The following VWDE variants were observed in gnomAD, a reference collection of about 807,000 sequenced individuals.
The protein encoded by VWDE is von Willebrand factor D and EGF domains.
In VWDE, 207 loss-of-function variants were observed where a neutral mutation model predicts 178.4. The observed-to-expected ratio is 1.16, with a 90% CI of 1.04 to 1.30. The LOEUF is 1.30. VWDE is among the 50% of genes most tolerant of loss of function. The pLI, the probability that VWDE is intolerant of heterozygous loss-of-function variation, is 0.00. For missense variants in VWDE, 2,287 were observed against 1,901.3 expected (o/e 1.20, Z -3.77); for synonymous variants, 738 against 651.4 (o/e 1.13, Z -2.02).
intron 2 of VWDE, among the ~76,000 whole-genome samples, chr7:12,393,004 G>C (rs1240196494): frequency 6.6e-6 from 1 of 152,116 alleles, no homozygotes; most frequent in Non-Finnish European, 1.5e-5. Flanking sequence ...CCAGAGTATT[G>C]AATGTCCTGC....
chr7:12,367,004 A>G (rs1782894541), intron 13 of VWDE, among the ~76,000 whole-genome samples: 1 of 152,192 alleles, frequency 6.6e-6, no homozygotes, highest in South Asian at 2.1e-4. Flanking sequence ...TAAAAGGGAA[A>G]TGTTCATATC....
At chr7:12,378,914 C>T (rs142559748) in intron 6 of VWDE, among the ~76,000 whole-genome samples, 9 of 152,230 alleles carry the variant, frequency 5.9e-5, no homozygotes, top group African/African-American at 1.4e-4. Flanking sequence ...CCAGGTTCAC[C>T]GTGCTTGCCT....
At position 12,359,681 on chromosome 7, in the gene VWDE, GCAAA is replaced by G. The variant is rs1782463888; in HGVS notation, c.3167_3170del (p.Val1056AlafsTer20). On this transcript the variant is annotated frameshift_variant, in exon 16 of 29. Coordinates refer to ENST00000275358, the MANE Select transcript of VWDE (RefSeq NM_001135924.3). LOFTEE classifies it high-confidence loss of function. ...CAACATAGCAGAGTCCATCAATAAT[GCAAA>G]CATTTTCCTAATGGAAAATTTTTAA... 4 of 1,540,142 alleles carry G rather than the reference GCAAA, an allele frequency of 2.6e-6. No homozygotes were observed. The African/African-American group carries it at 5.5e-5, about 21-fold the overall frequency.
chr7:12,394,837 A>T (rs1784551543), intron 1 of VWDE, among the ~76,000 whole-genome samples: 2 of 152,144 alleles, frequency 1.3e-5, no homozygotes, highest in Admixed American at 6.6e-5. Flanking sequence ...CTAACTAAAA[A>T]ATTATCAAAT....
In VWDE at chr7:12,380,741, G is replaced by T; in HGVS notation, c.542-8C>A. ...ATGAGGCAGCCAGCTGACCTGGGGA[G>T]AAAATGCATAATTTGTAACTGGGAA... On this transcript the variant is annotated splice_polypyrimidine_tract_variant and splice_region_variant and intron_variant, in intron 4 of 28. Coordinates refer to ENST00000275358, the MANE Select transcript of VWDE (RefSeq NM_001135924.3). 2 of 1,550,608 alleles carry T rather than the reference G, an allele frequency of 1.3e-6. No individual in the cohort carries two copies. Among genetic ancestry groups the T allele is most frequent in the Non-Finnish European group, 1.7e-6 (2 of 1,146,440 alleles).
At position 12,337,092 on chromosome 7, in the gene VWDE, A is replaced by G; in HGVS notation, c.4463-9T>C. The stretch of plus-strand genomic sequence containing the variant: ...CGTAGGATCACAGATGCCTTAAGGT[A>G]AAAGCATGAAAAGTCAGCCCTTAAA... On this transcript the variant is annotated splice_polypyrimidine_tract_variant and intron_variant, in intron 25 of 28. Coordinates refer to ENST00000275358, the MANE Select transcript of VWDE (RefSeq NM_001135924.3). 1.9e-6 allele frequency: 3 copies of G among 1,551,542 alleles called. No individual in the cohort carries two copies. Among genetic ancestry groups the G allele is most frequent in the Non-Finnish European group, 2.6e-6 (3 of 1,146,840 alleles).
intron 24 of VWDE, among the ~76,000 whole-genome samples, chr7:12,338,573 T>G (rs1009347887): frequency 6.6e-6 from 1 of 152,076 alleles, no homozygotes; most frequent in Non-Finnish European, 1.5e-5. Context: ...GCATACATAC[T>G]TAAAATAATA....
At position 12,336,211 on chromosome 7, in the gene VWDE, G is replaced by A. The variant is rs753994694; in HGVS notation, c.4584C>T (p.Asn1528=). The A allele has an allele frequency of 2.6e-5, 40 of 1,550,920 alleles. No individual in the cohort carries two copies. Among genetic ancestry groups the A allele is most frequent in the South Asian group, 8.3e-5 (7 of 83,942 alleles). ...TGCTGGGCGCAATGCATTCACCACC[G>A]TTTTTACATTTCTGCAAGCAGATAG... ...NTPICLQKCK[N]GGECIAPSIC... Residue 1528 remains asparagine (N), a synonymous_variant, in exon 27 of 29, where the codon AAC becomes AAT. Coordinates refer to ENST00000275358, the MANE Select transcript of VWDE (RefSeq NM_001135924.3).
At chr7:12,401,570 T>C (rs1784894642) in intron 1 of VWDE, among the ~76,000 whole-genome samples, 1 of 152,096 alleles carries the variant, frequency 6.6e-6, no homozygotes, top group South Asian at 2.1e-4. Context: ...ATTAGGAAAA[T>C]GACAATCAAA....
chr7:12,347,406 C>A (rs1263286233), intron 19 of VWDE, among the ~76,000 whole-genome samples: 1 of 152,074 alleles, frequency 6.6e-6, no homozygotes, highest in Non-Finnish European at 1.5e-5. Context: ...ATTCAATGTT[C>A]CTATGAAGGT....
chr7:12,370,486 G>C lies in VWDE; in HGVS notation c.1820C>G (p.Ser607Cys), dbSNP rs963323. The C allele has an allele frequency of 3.9e-6, 6 of 1,540,230 alleles. No homozygotes were observed. The highest frequency in any genetic ancestry group is 5.2e-6 in the Non-Finnish European group (6 of 1,145,672). The change falls in exon 12 of 29, where the codon TCT (serine) becomes TGT (cysteine). Residue 607 changes from serine (S) to cysteine (C), a missense_variant. Coordinates refer to ENST00000275358, the MANE Select transcript of VWDE (RefSeq NM_001135924.3). ...EWRILPGKSMSDTLPVSMTSP... is the reference protein window; with the variant it reads ...EWRILPGKSMCDTLPVSMTSP... ...TGTCATAGAAACTGGCAGTGTGTCA[G>C]ACATGCTTTTTCCTGGTAAAATCCT...
At chr7:12,399,867 A>T (rs1784818778) in intron 1 of VWDE, among the ~76,000 whole-genome samples, 1 of 152,186 alleles carries the variant, frequency 6.6e-6, no homozygotes, top group Non-Finnish European at 1.5e-5. Flanking sequence ...GATGAAATTC[A>T]TATAAAGTAT....
At chr7:12,367,618 T>C (rs1326340503) in intron 12 of VWDE, 125 bp from the exon 13 acceptor site, 3 of 751,730 alleles carry the variant, frequency 4.0e-6, no homozygotes, top group Non-Finnish European at 6.0e-6. Context: ...CCTAAAATGC[T>C]GCTTACAACA....
At chr7:12,351,444 A>G in intron 19 of VWDE, 129 bp downstream of exon 19, 1 of 977,992 alleles carries the variant, frequency 1.0e-6, no homozygotes, top group Non-Finnish European at 1.4e-6. Context: ...TAAATTTTAA[A>G]CCGCATCATA....
Position 12,369,619 on chromosome 7 carries a change from C to T in VWDE, c.2687G>A (p.Gly896Asp). 3 of 1,551,466 alleles carry T rather than the reference C, an allele frequency of 1.9e-6. No individual in the cohort carries two copies. Among genetic ancestry groups the T allele is most frequent in the Non-Finnish European group, 2.6e-6 (3 of 1,146,810 alleles). Reference sequence around the variant, plus strand: ...CCCCCATTCCATGCACTGCCCATTGCCGCTGCATAAATTGGGGCATTTTAA... The same window carrying T: ...CCCCCATTCCATGCACTGCCCATTGTCGCTGCATAAATTGGGGCATTTTAA... ...SVLKCPNLCS[G>D]NGQCMEWGCA... is the part of the protein sequence containing the mutation. Residue 896 changes from glycine (G) to aspartate (D), a missense_variant, in exon 12 of 29, where the codon GGC becomes GAC. Coordinates refer to ENST00000275358, the MANE Select transcript of VWDE (RefSeq NM_001135924.3).
chr7:12,346,829 C>G (rs931376097), intron 19 of VWDE, among the ~76,000 whole-genome samples: 1 of 151,776 alleles, frequency 6.6e-6, no homozygotes, highest in African/African-American at 2.4e-5. Context: ...TCTCAAAGGT[C>G]TTAAAATATA....
chr7:12,391,262 A>C lies in VWDE; in HGVS notation c.244-1904T>G, dbSNP rs1384867554. 2.0e-5 allele frequency among the ~76,000 whole-genome samples: 3 copies of C among 152,334 alleles called. No homozygotes were observed. In the South Asian group the frequency reaches 6.2e-4, roughly 32 times the overall value. ...TTCTTTATTTCCTAAGCTTTATGTA[A>C]TGCATAAGCATTATTTAAAACATTA... On this transcript the variant is annotated intron_variant, in intron 2 of 28. Coordinates refer to ENST00000275358, the MANE Select transcript of VWDE (RefSeq NM_001135924.3).
intron 16 of VWDE, among the ~76,000 whole-genome samples, chr7:12,359,024 G>A (rs1782427745): frequency 6.6e-6 from 1 of 152,128 alleles, no homozygotes; most frequent in African/African-American, 2.4e-5. Flanking sequence ...GTGTCCTATT[G>A]TCTCTAATAA....
chr7:12,385,583 C>G (rs1231739381), intron 3 of VWDE, among the ~76,000 whole-genome samples: 3 of 152,256 alleles, frequency 2.0e-5, no homozygotes, highest in East Asian at 3.9e-4. Flanking sequence ...AGACCTCAGC[C>G]TGACATTGTA....
Sources: gnomAD v4.1 joint callset for allele counts (sites outside exome capture counted in the v4.1 genomes callset) on GRCh38, gnomAD v4.1.1 for gene constraint, MANE v1.5 for transcripts, NCBI Gene and HGNC (gene_info 2026-07-23, HGNC 2026-07-21) for gene names.